The following RBFOX1 variants were observed in gnomAD, a reference collection of about 807,000 sequenced individuals.
RBFOX1 encodes the protein RNA binding protein fox-1 homolog 1.
A neutral mutation model predicts 57.7 loss-of-function variants in RBFOX1; 8 were observed. The ratio of observed to expected loss-of-function variants is 0.14; its 90% CI spans 0.08 to 0.25. The LOEUF (loss-of-function observed/expected upper bound fraction) is 0.25. Ranked by LOEUF, RBFOX1 falls within the 10% of genes least tolerant of loss-of-function variation. The pLI, the probability that RBFOX1 is intolerant of heterozygous loss-of-function variation, is 1.00. For synonymous variants in RBFOX1, 326 were observed against 222.4 expected, an observed-to-expected ratio of 1.47 and a Z score of -4.15; for missense variants, 611 against 548.5, an observed-to-expected ratio of 1.11 and a Z score of -1.14.
chr16:7,615,708 C>T (rs1032053729), intron 10 of RBFOX1, among the ~76,000 whole-genome samples: 3 of 151,998 alleles, frequency 2.0e-5, no homozygotes, highest in African/African-American at 7.2e-5. Flanking sequence ...TTCATTGTTA[C>T]ATCTTGGGTG....
At chr16:7,710,424 G>A (rs1269864112) in intron 15 of RBFOX1, 199 bp from the exon 16 acceptor site, 3 of 1,397,020 alleles carry the variant, frequency 2.1e-6, no homozygotes, top group Non-Finnish European at 2.8e-6. Context: ...GTTTTGCAGG[G>A]AATTTCTTTA....
At chr16:6,937,278 A>C (rs943425746) in intron 3 of RBFOX1, among the ~76,000 whole-genome samples, 10 of 152,152 alleles carry the variant, frequency 6.6e-5, no homozygotes, top group Non-Finnish European at 1.3e-4. Context: ...ACTCACGACC[A>C]ACACTGTTTC....
At chr16:6,719,039 A>G (rs34233067) in intron 3 of RBFOX1, among the ~76,000 whole-genome samples, 11,716 of 151,710 alleles carry the variant, frequency 0.077, 603 homozygotes, top group East Asian at 0.29. Flanking sequence ...CTAAATTTTT[A>G]TATTTTTTGT....
intron 2 of RBFOX1, among the ~76,000 whole-genome samples, chr16:6,438,510 G>T (rs2094296002): frequency 6.6e-6 from 1 of 152,164 alleles, no homozygotes; most frequent in African/African-American, 2.4e-5. Context: ...AAAGACTTTA[G>T]ACATTGTTTG....
At chr16:7,674,191 T>A (rs1008604958) in intron 13 of RBFOX1, among the ~76,000 whole-genome samples, 2 of 152,310 alleles carry the variant, frequency 1.3e-5, no homozygotes, top group East Asian at 1.9e-4. Context: ...GACCATGCAG[T>A]AAAGATAGAG....
intron 3 of RBFOX1, among the ~76,000 whole-genome samples, chr16:5,825,639 G>C (rs1016021221): frequency 6.6e-6 from 1 of 152,132 alleles, no homozygotes; most frequent in Admixed American, 6.6e-5. Flanking sequence ...CGTTGACAGC[G>C]TTGTACAGCC....
At chr16:5,350,056 T>A (rs534192476) in intron 1 of RBFOX1, among the ~76,000 whole-genome samples, 9 of 152,354 alleles carry the variant, frequency 5.9e-5, no homozygotes, top group African/African-American at 1.7e-4. Flanking sequence ...GGCGCTTGCG[T>A]GAGAGGAAAT....
At chr16:6,025,074 A>G (rs1190518380) in intron 1 of RBFOX1, among the ~76,000 whole-genome samples, 2 of 152,186 alleles carry the variant, frequency 1.3e-5, no homozygotes, top group Admixed American at 6.5e-5. Context: ...ATGGGAAACC[A>G]TTGGGGGATT....
At chr16:5,487,502 G>C (rs946398338) in intron 2 of RBFOX1, among the ~76,000 whole-genome samples, 4 of 152,152 alleles carry the variant, frequency 2.6e-5, no homozygotes, top group Non-Finnish European at 5.9e-5. Flanking sequence ...TCTTTTCTCT[G>C]TTGCAGAAAA....
chr16:7,180,346 G>A (rs146174140), intron 4 of RBFOX1, among the ~76,000 whole-genome samples: 1 of 152,096 alleles, frequency 6.6e-6, no homozygotes, highest in South Asian at 2.1e-4. Context: ...GAGAAGTTCA[G>A]TTACAGATAC....
At chr16:6,746,162 G>A (rs530092467) in intron 3 of RBFOX1, among the ~76,000 whole-genome samples, 4 of 152,082 alleles carry the variant, frequency 2.6e-5, no homozygotes, top group Non-Finnish European at 5.9e-5. Context: ...ATCGTGTGTA[G>A]GTTGAGAGAC....
chr16:7,316,556 C>G (rs146866227), intron 4 of RBFOX1, among the ~76,000 whole-genome samples: 3 of 152,182 alleles, frequency 2.0e-5, no homozygotes, highest in African/African-American at 7.2e-5. Context: ...GAAAGCAGGT[C>G]TGCTTTTCTT....
At chr16:5,975,430 G>A (rs1036999158) in intron 4 of RBFOX1, among the ~76,000 whole-genome samples, 1 of 152,202 alleles carries the variant, frequency 6.6e-6, no homozygotes, top group African/African-American at 2.4e-5. Context: ...AAGCTCATCT[G>A]ATAGGGAAGG....
At chr16:7,433,782 C>G (rs908610677) in intron 4 of RBFOX1, among the ~76,000 whole-genome samples, 4 of 152,144 alleles carry the variant, frequency 2.6e-5, no homozygotes, top group Non-Finnish European at 5.9e-5. Flanking sequence ...ATCCATCCAG[C>G]CAGCCAGCCA....
intron 2 of RBFOX1, among the ~76,000 whole-genome samples, chr16:5,485,293 C>T (rs2069688585): frequency 7.0e-6 from 1 of 143,476 alleles, no homozygotes. Context: ...TTGCAGTAAG[C>T]CGAGATTGCG....
chr16:5,661,411 T>C (rs1347796516), intron 3 of RBFOX1, among the ~76,000 whole-genome samples: 2 of 152,216 alleles, frequency 1.3e-5, no homozygotes, highest in Non-Finnish European at 2.9e-5. Flanking sequence ...GTATCCACTG[T>C]AGAAACCTTA....
intron 2 of RBFOX1, among the ~76,000 whole-genome samples, chr16:6,362,925 T>G (rs2088863282): frequency 6.6e-6 from 1 of 152,142 alleles, no homozygotes; most frequent in African/African-American, 2.4e-5. Context: ...CCCTTCTAAG[T>G]GTGTGATACA....
chr16:6,644,581 T>C (rs749469485), intron 2 of RBFOX1, among the ~76,000 whole-genome samples: 1 of 152,230 alleles, frequency 6.6e-6, no homozygotes, highest in African/African-American at 2.4e-5. Context: ...ACTTTGTATT[T>C]GAGTCCAGGA....
intron 3 of RBFOX1, among the ~76,000 whole-genome samples, chr16:6,670,067 G>C (rs955258299): frequency 1.3e-5 from 2 of 152,058 alleles, no homozygotes; most frequent in Non-Finnish European, 2.9e-5. Context: ...TAGTGTCCAC[G>C]TTGGAGTGCA....
Sources: gnomAD v4.1 joint callset for allele counts (sites outside exome capture counted in the v4.1 genomes callset) on GRCh38, gnomAD v4.1.1 for gene constraint, MANE v1.5 for transcripts, NCBI Gene and HGNC (gene_info 2026-07-23, HGNC 2026-07-21) for gene names.